Variants in FBN2 observed in about 807,000 individuals in gnomAD.
FBN2 encodes fibrillin-2.
Under a neutral mutation model 355.6 loss-of-function variants are expected in FBN2, and 105 were observed. That is an observed-to-expected ratio of 0.30 (90% CI 0.25 to 0.35). FBN2 has a LOEUF of 0.35. Ranked by LOEUF, FBN2 falls within the 10% of genes least tolerant of loss-of-function variation. The pLI is 1.00. For missense variants in FBN2, 3,280 were observed against 3,758.7 expected (o/e 0.87, Z 3.33); for synonymous variants, 1,350 against 1,301.2 (o/e 1.04, Z -0.81).
intron 7 of FBN2, among the ~76,000 whole-genome samples, chr5:128,444,217 CG>C (rs1212133105): frequency 2.6e-5 from 4 of 151,610 alleles, no homozygotes; most frequent in African/African-American, 9.7e-5. Flanking sequence ...GGACTACAGG[CG>C]CCCGCCACCG....
At chr5:128,414,691 T>C (rs1336700387) in intron 7 of FBN2, among the ~76,000 whole-genome samples, 1 of 152,190 alleles carries the variant, frequency 6.6e-6, no homozygotes, top group Non-Finnish European at 1.5e-5. Context: ...ATGTTTAACT[T>C]GTTGAGGAAC....
In FBN2 at chr5:128,485,504, ATG is replaced by A. The variant is rs1293631863; in HGVS notation, c.629-20585_629-20584del. 3.3e-5 allele frequency among the ~76,000 whole-genome samples: 5 copies of A among 152,192 alleles called. No homozygotes were observed. The East Asian group carries it at 9.6e-4, about 29-fold the overall frequency. On this transcript the variant is annotated intron_variant, in intron 5 of 64. Coordinates refer to ENST00000262464, the MANE Select transcript of FBN2 (RefSeq NM_001999.4). ...TAAAAATGAATAAATTAGTCCTAATATGTTTGAACAAGGGAAGATCTCAAACT... is the reference window on the plus strand; with the variant it reads ...TAAAAATGAATAAATTAGTCCTAATATTTGAACAAGGGAAGATCTCAAACT...
At chr5:128,392,896 A>G (rs906813569) in intron 10 of FBN2, among the ~76,000 whole-genome samples, 3 of 152,196 alleles carry the variant, frequency 2.0e-5, no homozygotes, top group Non-Finnish European at 4.4e-5. Flanking sequence ...AATTTAACAG[A>G]AAGTTTACAG....
At chr5:128,378,010 T>C (rs1752129156) in intron 12 of FBN2, 133 bp from the exon 13 acceptor site, 5 of 665,470 alleles carry the variant, frequency 7.5e-6, no homozygotes, top group Non-Finnish European at 1.1e-5. Context: ...TCTCAGCAGT[T>C]TTTTTTTTTT....
At chr5:128,429,688 T>C (rs1350364610) in intron 7 of FBN2, among the ~76,000 whole-genome samples, 3 of 152,210 alleles carry the variant, frequency 2.0e-5, no homozygotes, top group East Asian at 1.9e-4. Flanking sequence ...TTTACATTAA[T>C]GCCAGGATAC....
At chr5:128,496,539 A>C in intron 5 of FBN2, among the ~76,000 whole-genome samples, 1 of 152,278 alleles carries the variant, frequency 6.6e-6, no homozygotes, top group Admixed American at 6.5e-5. Flanking sequence ...AAAAACTCAT[A>C]GATAATATCA....
chr5:128,498,471 A>C (rs1297705268), intron 5 of FBN2, among the ~76,000 whole-genome samples: 2 of 152,146 alleles, frequency 1.3e-5, no homozygotes, highest in Non-Finnish European at 2.9e-5. Flanking sequence ...TCTGTGCCTG[A>C]AAAAATGGAC....
Position 128,349,399 on chromosome 5 carries a change from A to G in FBN2, c.2937T>C (p.His979=). 3.7e-6 allele frequency: 6 copies of G among 1,614,162 alleles called. No individual in the cohort carries two copies. Among genetic ancestry groups the G allele is most frequent in the African/African-American group, 1.3e-5 (1 of 75,034 alleles). The change falls in exon 23 of 65, where the codon CAT becomes CAC. Residue 979 remains histidine (H), a synonymous_variant. Transcript: ENST00000262464. The part of the protein sequence containing the change: ...GRCVNSKGSF[H]CECPEGLTLD... ...ACGTAAGGCCTTCAGGGCACTCGCA[A>G]TGAAAAGATCCCTTACTGTTGACAC...
chr5:128,310,188 C>A, intron 39 of FBN2, 80 bp from the exon 40 acceptor site: 2 of 1,226,080 alleles, frequency 1.6e-6, no homozygotes, highest in Non-Finnish European at 2.3e-6. Flanking sequence ...CTGAACAAAG[C>A]ATAGGTGATT....
intron 5 of FBN2, among the ~76,000 whole-genome samples, chr5:128,516,862 T>C (rs1350089873): frequency 6.6e-6 from 1 of 152,204 alleles, no homozygotes; most frequent in Non-Finnish European, 1.5e-5. Context: ...GAATGGGTTA[T>C]TATACATGTA....
intron 6 of FBN2, among the ~76,000 whole-genome samples, chr5:128,460,149 G>A (rs1754519700): frequency 6.6e-6 from 1 of 152,228 alleles, no homozygotes; most frequent in East Asian, 1.9e-4. Context: ...AAAATCATAA[G>A]CATTCCTATG....
At chr5:128,274,287 A>T (rs1287582502) in intron 60 of FBN2, among the ~76,000 whole-genome samples, 1 of 152,184 alleles carries the variant, frequency 6.6e-6, no homozygotes, top group Non-Finnish European at 1.5e-5. Flanking sequence ...CTTTAATCAT[A>T]TTTTGTCTGA....
intron 16 of FBN2, among the ~76,000 whole-genome samples, chr5:128,368,917 T>G (rs545087541): frequency 6.6e-6 from 1 of 151,854 alleles, no homozygotes; most frequent in East Asian, 1.9e-4. Context: ...CCTCCCAAAG[T>G]GCTGGGATTA....
At chr5:128,426,313 T>A (rs978946867) in intron 7 of FBN2, among the ~76,000 whole-genome samples, 3 of 152,182 alleles carry the variant, frequency 2.0e-5, no homozygotes, top group African/African-American at 7.2e-5. Context: ...CCTTCATATT[T>A]GAAATTCCCT....
chr5:128,423,707 A>T lies in FBN2; in HGVS notation c.953-14908T>A, dbSNP rs538732207. On this transcript the variant is annotated intron_variant, in intron 7 of 64. Coordinates refer to ENST00000262464, the MANE Select transcript of FBN2 (RefSeq NM_001999.4). ...GGAGAGGTAAACAGAATGATCAGGC[A>T]GGAACTTTATCCTGAGAATGGGAGA... 5.3e-5 allele frequency among the ~76,000 whole-genome samples: 8 copies of T among 152,260 alleles called. No individual in the cohort carries two copies. In the East Asian group the frequency reaches 1.5e-3, roughly 29 times the overall value.
chr5:128,281,294 G>C (rs572356534), intron 55 of FBN2, among the ~76,000 whole-genome samples: 2 of 152,028 alleles, frequency 1.3e-5, no homozygotes, highest in Non-Finnish European at 2.9e-5. Flanking sequence ...ATTTACTGTG[G>C]GATTGCCCTC....
Position 128,537,628 on chromosome 5 carries a change from G to A in FBN2, c.-25C>T, listed in dbSNP as rs1186165479. The A allele has an allele frequency of 1.2e-6, 2 of 1,601,348 alleles. No individual in the cohort carries two copies. Among genetic ancestry groups the A allele is most frequent in the Non-Finnish European group, 1.7e-6 (2 of 1,174,958 alleles). Reference sequence around the variant, plus strand: ...TCGCCGGCGCCGAAAGCGCGCGGCCGTAGACCCGCGGAGAGGGAGTGATCA... The same window carrying A: ...TCGCCGGCGCCGAAAGCGCGCGGCCATAGACCCGCGGAGAGGGAGTGATCA... On this transcript the variant is annotated 5_prime_UTR_variant, in exon 1 of 65. In the 5' UTR this introduces an upstream ATG that the reference lacks. Coordinates refer to ENST00000262464, the MANE Select transcript of FBN2 (RefSeq NM_001999.4).
intron 25 of FBN2, among the ~76,000 whole-genome samples, chr5:128,343,400 A>G (rs1028156121): frequency 3.3e-5 from 5 of 152,172 alleles, no homozygotes; most frequent in African/African-American, 1.2e-4. Flanking sequence ...AGCCAGATGG[A>G]CAGCTGTGAA....
intron 8 of FBN2, among the ~76,000 whole-genome samples, chr5:128,405,015 T>C (rs1317535082): frequency 6.6e-6 from 1 of 151,992 alleles, no homozygotes; most frequent in Non-Finnish European, 1.5e-5. Flanking sequence ...CTACTAAAAA[T>C]ACAAACATTA....
Sources: gnomAD v4.1 joint callset for allele counts (sites outside exome capture counted in the v4.1 genomes callset) on GRCh38, gnomAD v4.1.1 for gene constraint, MANE v1.5 for transcripts, NCBI Gene and HGNC (gene_info 2026-07-23, HGNC 2026-07-21) for gene names.